The following SULF1 variants were observed in gnomAD, a reference collection of about 807,000 sequenced individuals.
SULF1 encodes the protein sulfatase 1, also known as extracellular sulfatase Sulf-1.
Under a neutral mutation model 110.5 loss-of-function variants are expected in SULF1, and 46 were observed. The ratio of observed to expected loss-of-function variants is 0.42; its 90% CI spans 0.33 to 0.53. The LOEUF (loss-of-function observed/expected upper bound fraction) is 0.53. Among genes scored for constraint, SULF1 ranks in the 20% least tolerant of loss-of-function variants. The pLI, the probability that SULF1 is intolerant of heterozygous loss-of-function variation, is 0.12. For missense variants in SULF1, 941 were observed against 1,094.2 expected, an observed-to-expected ratio of 0.86 and a Z score of 1.98; for synonymous variants, 371 against 387.1, an observed-to-expected ratio of 0.96 and a Z score of 0.49.
intron 22 of SULF1, among the ~76,000 whole-genome samples, chr8:69,646,352 T>C (rs773844061): frequency 2.0e-5 from 3 of 152,200 alleles, no homozygotes; most frequent in Non-Finnish European, 4.4e-5. Context: ...TCCAGCGCTC[T>C]TCTGAATGCT....
chr8:69,481,105 T>C (rs1330036536), intron 1 of SULF1, among the ~76,000 whole-genome samples: 1 of 152,114 alleles, frequency 6.6e-6, no homozygotes, highest in African/African-American at 2.4e-5. Flanking sequence ...CTTTTTGGTG[T>C]TGTAAGTATC....
At chr8:69,636,497 A>G (rs1268012939) in intron 19 of SULF1, among the ~76,000 whole-genome samples, 2 of 151,934 alleles carry the variant, frequency 1.3e-5, no homozygotes, top group Non-Finnish European at 2.9e-5. Context: ...AGATCGCTCC[A>G]CTGCACTCCA....
At chr8:69,493,466 C>CT (rs1173884339) in intron 1 of SULF1, among the ~76,000 whole-genome samples, 1 of 149,626 alleles carries the variant, frequency 6.7e-6, no homozygotes, top group African/African-American at 2.4e-5. Context: ...CACACACACA[C>CT]ACACACACAC....
At chr8:69,572,067 T>A (rs1489180425) in intron 5 of SULF1, among the ~76,000 whole-genome samples, 3 of 152,122 alleles carry the variant, frequency 2.0e-5, no homozygotes, top group African/African-American at 7.2e-5. Context: ...CATTTCAGCC[T>A]TGAGGGGAGG....
intron 8 of SULF1, among the ~76,000 whole-genome samples, chr8:69,596,857 T>A (rs1432229025): frequency 6.6e-6 from 1 of 152,186 alleles, no homozygotes; most frequent in Non-Finnish European, 1.5e-5. Flanking sequence ...GGGTATGATA[T>A]GGTCCCAGAA....
intron 3 of SULF1, among the ~76,000 whole-genome samples, chr8:69,509,476 T>C (rs1811413682): frequency 6.6e-6 from 1 of 152,210 alleles, no homozygotes; most frequent in South Asian, 2.1e-4. Flanking sequence ...ATATAGCACA[T>C]ACTGTATTAG....
intron 2 of SULF1, among the ~76,000 whole-genome samples, chr8:69,501,206 T>C (rs1453864948): frequency 1.3e-5 from 2 of 151,886 alleles, no homozygotes; most frequent in Non-Finnish European, 2.9e-5. Context: ...TCTCATTTCC[T>C]TATTCTATCT....
At chr8:69,543,159 A>T (rs1189783538) in intron 3 of SULF1, among the ~76,000 whole-genome samples, 1 of 152,174 alleles carries the variant, frequency 6.6e-6, no homozygotes, top group South Asian at 2.1e-4. Flanking sequence ...CACTGTATAC[A>T]TTCCATACTT....
intron 6 of SULF1, among the ~76,000 whole-genome samples, chr8:69,582,994 T>C (rs763923328): frequency 2.0e-5 from 3 of 152,236 alleles, no homozygotes; most frequent in Non-Finnish European, 4.4e-5. Flanking sequence ...AGTCACCTGA[T>C]GTGAGACCCT....
chr8:69,502,503 G>C (rs1810873147), intron 3 of SULF1, among the ~76,000 whole-genome samples: 1 of 152,118 alleles, frequency 6.6e-6, no homozygotes, highest in Non-Finnish European at 1.5e-5. Flanking sequence ...AACATTTCTA[G>C]GGTTTGGGTT....
In SULF1 at chr8:69,538,275, CTT is replaced by C. The variant is rs33972358; in HGVS notation, c.-133-25252_-133-25251del. Among the ~76,000 whole-genome samples, 5 of 131,080 alleles carry C rather than the reference CTT, an allele frequency of 3.8e-5. No individual in the cohort carries two copies. In the East Asian group the frequency reaches 7.0e-4, roughly 18 times the overall value. 86.0% of individuals were successfully genotyped at this position (131,080 alleles called of 152,430 possible). On this transcript the variant is annotated intron_variant, in intron 3 of 22. Transcript: ENST00000402687. ...TTATTGGTTTTTACATTTCTGTTGC[CTT>C]TTTTTTTTTTTGAGCCATTAAGCTC...
chr8:69,601,274 G>T (rs1197029458), intron 9 of SULF1, among the ~76,000 whole-genome samples: 1 of 152,180 alleles, frequency 6.6e-6, no homozygotes, highest in Non-Finnish European at 1.5e-5. Flanking sequence ...ACTGGATCAG[G>T]CTCAGAAGCA....
intron 19 of SULF1, among the ~76,000 whole-genome samples, chr8:69,630,992 C>T (rs950771172): frequency 2.6e-5 from 4 of 151,688 alleles, no homozygotes; most frequent in African/African-American, 4.8e-5. Flanking sequence ...CAACAGTCCC[C>T]GGTGTGTGAT....
intron 22 of SULF1, among the ~76,000 whole-genome samples, chr8:69,655,750 A>G (rs1421763793): frequency 6.6e-6 from 1 of 152,152 alleles, no homozygotes; most frequent in Non-Finnish European, 1.5e-5. Context: ...ATCTCATTAG[A>G]CAGTTTTTAA....
chr8:69,470,092 A>G (rs576881226), intron 1 of SULF1, among the ~76,000 whole-genome samples: 2 of 152,180 alleles, frequency 1.3e-5, no homozygotes, highest in Non-Finnish European at 2.9e-5. Context: ...AGCTATATAT[A>G]GTATTGAGAT....
At chr8:69,551,000 A>G (rs1814668433) in intron 3 of SULF1, among the ~76,000 whole-genome samples, 1 of 152,080 alleles carries the variant, frequency 6.6e-6, no homozygotes, top group Admixed American at 6.6e-5. Flanking sequence ...GGTTTGATAC[A>G]TTTTTTGGAT....
intron 5 of SULF1, among the ~76,000 whole-genome samples, chr8:69,565,663 C>A (rs1485300687): frequency 6.6e-6 from 1 of 152,178 alleles, no homozygotes; most frequent in Non-Finnish European, 1.5e-5. Flanking sequence ...ACTCAATTGC[C>A]AGAGTTATCT....
At chr8:69,503,366 C>A (rs974231596) in intron 3 of SULF1, among the ~76,000 whole-genome samples, 1 of 152,126 alleles carries the variant, frequency 6.6e-6, no homozygotes, top group African/African-American at 2.4e-5. Context: ...CATAAACGAG[C>A]TGAATCCACA....
At chr8:69,599,459 T>C (rs960160386) in intron 8 of SULF1, among the ~76,000 whole-genome samples, 9 of 152,222 alleles carry the variant, frequency 5.9e-5, no homozygotes, top group Non-Finnish European at 1.2e-4. Context: ...TACCACTTAC[T>C]AATGTTGTTA....
Sources: gnomAD v4.1 joint callset for allele counts (sites outside exome capture counted in the v4.1 genomes callset) on GRCh38, gnomAD v4.1.1 for gene constraint, MANE v1.5 for transcripts, NCBI Gene and HGNC (gene_info 2026-07-23, HGNC 2026-07-21) for gene names.